The following KTN1 variants were observed in gnomAD, a reference collection of about 807,000 sequenced individuals.
KTN1 encodes kinectin.
Under a neutral mutation model 222.5 loss-of-function variants are expected in KTN1, and 130 were observed. The ratio of observed to expected loss-of-function variants is 0.58; its 90% CI spans 0.51 to 0.68. The LOEUF (loss-of-function observed/expected upper bound fraction) is 0.68, where lower values mean the gene tolerates loss of function less well. KTN1 is among the 30% of genes least tolerant of loss of function. The pLI, the probability that KTN1 is intolerant of heterozygous loss-of-function variation, is 0.00. For synonymous variants in KTN1, 512 were observed against 496.3 expected (o/e 1.03, Z -0.42); for missense variants, 1,508 against 1,500.4 (o/e 1.01, Z -0.08).
At chr14:55,654,784 A>G (rs1036526776) in intron 28 of KTN1, among the ~76,000 whole-genome samples, 2 of 152,146 alleles carry the variant, frequency 1.3e-5, no homozygotes, top group South Asian at 4.1e-4. Context: ...ACATGTATCT[A>G]TCATTACAGT....
At chr14:55,615,936 C>G (rs1314484580) in intron 2 of KTN1, among the ~76,000 whole-genome samples, 1 of 149,206 alleles carries the variant, frequency 6.7e-6, no homozygotes. Context: ...TTTCTTTCGA[C>G]AGGGTCTTGC....
intron 43 of KTN1, chr14:55,680,669 G>A (rs201531240): frequency 2.6e-5 from 35 of 1,360,158 alleles, no homozygotes; most frequent in East Asian, 9.1e-5. Flanking sequence ...TTACAGGAGC[G>A]TTTTGTCTCA....
chr14:55,680,392 T>TA (rs2046258270), intron 43 of KTN1: 3 of 158,542 alleles, frequency 1.9e-5, no homozygotes, highest in African/African-American at 7.3e-5. Context: ...TTTCTGTTGC[T>TA]ACCTGGATTT....
chr14:55,669,579 C>T (rs1595253875), intron 34 of KTN1, among the ~76,000 whole-genome samples: 1 of 151,908 alleles, frequency 6.6e-6, no homozygotes, highest in East Asian at 1.9e-4. Context: ...GCTGAGCAGT[C>T]AACATAGGAG....
chr14:55,618,269 G>T, intron 4 of KTN1, 135 bp downstream of exon 4: 1 of 639,654 alleles, frequency 1.6e-6, no homozygotes. Flanking sequence ...AAGACTTATT[G>T]GTAGTCTTTT....
At chr14:55,671,111 G>A (rs1377434824) in intron 35 of KTN1, among the ~76,000 whole-genome samples, 1 of 152,072 alleles carries the variant, frequency 6.6e-6, no homozygotes, top group African/African-American at 2.4e-5. Context: ...AAGATTAGTC[G>A]AGATAGGTAG....
rs1337968888 is a variant in KTN1 at position 55,629,938 on chromosome 14, T to G, written c.1081-19T>G. The stretch of plus-strand genomic sequence containing the variant: ...CTTATTAAATAACAAGTTTTTAAAT[T>G]TCTGGGATATTCTTTTAGGAAATGA... On this transcript the variant is annotated intron_variant, in intron 6 of 43. Coordinates refer to ENST00000395314, the MANE Select transcript of KTN1 (RefSeq NM_001079521.2). 3 of 1,518,848 alleles carry G rather than the reference T, an allele frequency of 2.0e-6. No homozygotes were observed. In the Admixed American group the frequency reaches 5.2e-5, roughly 27 times the overall value. The allele number at this position is 1,518,848 out of a possible 1,614,324, so 94.1% of individuals were successfully genotyped here.
At position 55,646,276 on chromosome 14, in the gene KTN1, A is replaced by G. The variant is rs530224679; in HGVS notation, c.2173-697A>G. Reference sequence around the variant, plus strand: ...ATATCTTGATCTGGTTGGTAGTTACATAATATCTATCTACCAAAATTCACT... The same window carrying G: ...ATATCTTGATCTGGTTGGTAGTTACGTAATATCTATCTACCAAAATTCACT... On this transcript the variant is annotated intron_variant, in intron 18 of 43. Coordinates refer to ENST00000395314, the MANE Select transcript of KTN1 (RefSeq NM_001079521.2). 3.9e-4 allele frequency among the ~76,000 whole-genome samples: 60 copies of G among 152,300 alleles called. 1 individual carries two copies. The South Asian group carries it at 0.01, about 26-fold the overall frequency.
At chr14:55,607,728 T>C (rs1189440762) in intron 1 of KTN1, among the ~76,000 whole-genome samples, 1 of 152,082 alleles carries the variant, frequency 6.6e-6, no homozygotes. Context: ...GTAACTAATA[T>C]TAGAAAGGGT....
chr14:55,679,256 G>T, intron 42 of KTN1: 1 of 251,406 alleles, frequency 4.0e-6, no homozygotes, highest in Non-Finnish European at 7.5e-6. Flanking sequence ...TTTCTTTTGC[G>T]GGGCAAATTT....
At chr14:55,669,491 A>G (rs923816582) in intron 34 of KTN1, among the ~76,000 whole-genome samples, 3 of 151,998 alleles carry the variant, frequency 2.0e-5, no homozygotes, top group Admixed American at 6.6e-5. Context: ...AATAAGCTTC[A>G]TTAATATTAA....
chr14:55,626,874 TTC>T, intron 5 of KTN1, among the ~76,000 whole-genome samples: 1 of 152,288 alleles, frequency 6.6e-6, no homozygotes. Flanking sequence ...AACTTTTTTT[TTC>T]TTTTCCTTCT....
At chr14:55,637,162 AAAG>A in intron 10 of KTN1, 33 bp from the exon 11 acceptor site, 1 of 1,504,252 alleles carries the variant, frequency 6.6e-7, no homozygotes, top group Non-Finnish European at 9.0e-7. Flanking sequence ...CTAGGCAAAG[AAAG>A]AGACCTCTGT....
chr14:55,674,996 A>G (rs1009396610), intron 40 of KTN1: 3 of 152,192 alleles, frequency 2.0e-5, no homozygotes, highest in African/African-American at 7.2e-5. Context: ...TTCCTCAGAT[A>G]AAATTTCCAA....
At chr14:55,595,299 A>AG (rs1474151476) in intron 1 of KTN1, among the ~76,000 whole-genome samples, 1 of 152,278 alleles carries the variant, frequency 6.6e-6, no homozygotes, top group African/African-American at 2.4e-5. Context: ...ATACCAAAAA[A>AG]GGTCATTGCT....
Position 55,612,409 on chromosome 14 carries a change from C to G in KTN1, c.361C>G (p.Gln121Glu), listed in dbSNP as rs2037717442. Residue 121 changes from glutamine (Q) to glutamate (E), a missense_variant, in exon 2 of 44, where the codon CAA (glutamine) becomes GAA (glutamate). Transcript: ENST00000395314. The stretch of plus-strand genomic sequence containing the variant: ...GGAAAGAAAAAAGAAGGAAAAGAAA[C>G]AAAAGCCTGTGCTTGAAGAGCAGGT... ...VRERKKKEKKQKPVLEEQVIK... is the reference protein window; with the variant it reads ...VRERKKKEKKEKPVLEEQVIK... The G allele has an allele frequency of 1.2e-6, 2 of 1,613,820 alleles. No homozygotes were observed. The highest frequency in any genetic ancestry group is 1.3e-5 in the African/African-American group (1 of 74,950).
chr14:55,583,992 C>T (rs560068986), intron 1 of KTN1, among the ~76,000 whole-genome samples: 1 of 152,224 alleles, frequency 6.6e-6, no homozygotes, highest in Non-Finnish European at 1.5e-5. Flanking sequence ...CAGCCTGGTG[C>T]AAGCCATTCT....
At chr14:55,633,192 C>A in intron 7 of KTN1, 43 bp from the exon 8 acceptor site, 1 of 1,062,866 alleles carries the variant, frequency 9.4e-7, no homozygotes, top group Non-Finnish European at 1.4e-6. Context: ...TTAGCTTTGA[C>A]AGTCTTTGTT....
chr14:55,649,725 C>T, intron 21 of KTN1, 51 bp from the exon 22 acceptor site: 1 of 1,045,644 alleles, frequency 9.6e-7, no homozygotes, highest in East Asian at 2.5e-5. Flanking sequence ...CTATTTCTGA[C>T]CCATTTCTAT....
Sources: allele counts gnomAD v4.1 joint callset (sites outside exome capture counted in the v4.1 genomes callset), GRCh38; gene constraint gnomAD v4.1.1; transcripts MANE v1.5; gene names NCBI Gene and HGNC (gene_info 2026-07-23, HGNC 2026-07-21).